Variants in PFKFB4 observed in about 807,000 individuals in gnomAD.
PFKFB4 encodes 6-phosphofructo-2-kinase/fructose-2,6-bisphosphatase 4.
Under a neutral mutation model 62.8 loss-of-function variants are expected in PFKFB4, and 42 were observed. The observed-to-expected ratio is 0.67, with a 90% CI of 0.52 to 0.86. The LOEUF is 0.86. Among genes scored for constraint, PFKFB4 ranks in the 40% least tolerant of loss-of-function variants. The probability of loss-of-function intolerance (pLI) is 0.00; values close to 1 mark genes in which losing one functional copy is unlikely to be tolerated. For synonymous variants in PFKFB4, 204 were observed against 240.7 expected (o/e 0.85, Z 1.41); for missense variants, 475 against 627.2 (o/e 0.76, Z 2.59).
upstream of PFKFB4, chr3:48,562,829 G>A: frequency 6.3e-7 from 1 of 1,576,254 alleles, no homozygotes; most frequent in Non-Finnish European, 8.6e-7. This position sits in a 1 kb window ranked among gnomAD's most constrained non-coding sequence, Gnocchi z 4.3. Flanking sequence ...GTTGGTGGTG[G>A]CCTGCTCCCT....
rs148938591 is a variant in PFKFB4 at position 48,553,525 on chromosome 3, T to C, written c.97+3156A>G. On this transcript the variant is annotated intron_variant, in intron 1 of 13. Transcript: ENST00000232375. Reference sequence around the variant, plus strand: ...AACATTGAGCATGTGCGGAAGGAAATGTGAAGACATGTCAGCCCAACTTCC... The same window carrying C: ...AACATTGAGCATGTGCGGAAGGAAACGTGAAGACATGTCAGCCCAACTTCC... Among the ~76,000 whole-genome samples the C allele has an allele frequency of 1.4e-4, 21 of 151,310 alleles. No homozygotes were observed. The East Asian group carries it at 2.9e-3, about 21-fold the overall frequency.
At chr3:48,534,212 A>C (rs1329270917) in intron 9 of PFKFB4, among the ~76,000 whole-genome samples, 1 of 152,228 alleles carries the variant, frequency 6.6e-6, no homozygotes, top group Non-Finnish European at 1.5e-5. Flanking sequence ...GAACAGAAGA[A>C]ATTAAAAAAC....
In PFKFB4 at chr3:48,519,186, C is replaced by T. The variant is rs2107428191; in HGVS notation, c.*561G>A. The T allele has an allele frequency of 6.6e-6, 1 of 152,670 alleles. No homozygotes were observed. The highest frequency in any genetic ancestry group is 6.5e-5 in the Admixed American group (1 of 15,334). The allele number at this position is 152,670 out of a possible 1,614,324, so 9.5% of individuals were successfully genotyped here. On this transcript the variant is annotated 3_prime_UTR_variant, in exon 14 of 14. Transcript: ENST00000232375. ...GCCTGGCCAGTGGCTGCCCAGGAAG[C>T]ATCTGCTGTGGTTGGGGCTCTAGTT...
chr3:48,555,152 G>C (rs2107606165), intron 1 of PFKFB4, among the ~76,000 whole-genome samples: 2 of 149,856 alleles, frequency 1.3e-5, no homozygotes, highest in South Asian at 4.2e-4. Context: ...TAATAACACA[G>C]ACTGGCTCAG....
In PFKFB4 at chr3:48,539,553, G is replaced by A. The variant is rs2107538806; in HGVS notation, c.453+144C>T. On this transcript the variant is annotated intron_variant, in intron 5 of 13. Transcript: ENST00000232375. ...TCCCTCTGGAAAGCAAACCCCAAGT[G>A]GAGACAGCCCCTCTCATCCCAAATT... The A allele has an allele frequency of 3.8e-6, 3 of 779,796 alleles. No individual in the cohort carries two copies. The South Asian group carries it at 4.8e-5, about 13-fold the overall frequency. The allele number at this position is 779,796 out of a possible 1,614,324, so 48.3% of individuals were successfully genotyped here. A position where few individuals can be genotyped will look rare whatever the true frequency, so the allele number is the denominator to read the frequency against.
intron 9 of PFKFB4, among the ~76,000 whole-genome samples, chr3:48,527,648 G>A (rs1352074455): frequency 6.6e-6 from 1 of 151,600 alleles, no homozygotes; most frequent in Admixed American, 6.6e-5. Flanking sequence ...AGGCACAGAA[G>A]GAAGTGAAGA....
At chr3:48,522,821 T>C (rs2042138511) in intron 12 of PFKFB4, among the ~76,000 whole-genome samples, 3 of 151,308 alleles carry the variant, frequency 2.0e-5, no homozygotes, top group South Asian at 2.1e-4. Context: ...AGTGCAGTGG[T>C]GCGATCTCGG....
chr3:48,540,761 C>T (rs183233846), intron 4 of PFKFB4, among the ~76,000 whole-genome samples: 2 of 150,798 alleles, frequency 1.3e-5, no homozygotes, highest in East Asian at 3.9e-4. Context: ...AGGCATGTAC[C>T]ACCATACCTG....
In PFKFB4 at chr3:48,556,550, C is replaced by G; in HGVS notation, c.97+131G>C. 1 of 1,125,092 alleles carries G rather than the reference C, an allele frequency of 8.9e-7. No individual in the cohort carries two copies. The highest frequency in any genetic ancestry group is 1.6e-5 in the South Asian group (1 of 63,950). 69.7% of individuals were successfully genotyped at this position (1,125,092 alleles called of 1,614,324 possible). ...ACCTGTCCCCAGCAGCCTCCCCAGT[C>G]ACGGCAACCTCACCTGTCCCCGGTT... is the stretch of plus-strand genomic sequence containing the variant. On this transcript the variant is annotated intron_variant, in intron 1 of 13. Transcript: ENST00000232375. This position sits in a 1 kb window ranked among gnomAD's most constrained non-coding sequence, Gnocchi z 5.7.
intron 5 of PFKFB4, 50 bp from the exon 6 acceptor site, chr3:48,539,360 A>T: frequency 6.7e-7 from 1 of 1,500,754 alleles, no homozygotes; most frequent in Non-Finnish European, 9.3e-7. Flanking sequence ...GAACACGGAC[A>T]TGTTCAGGGC....
At position 48,536,483 on chromosome 3, in the gene PFKFB4, A is replaced by C; in HGVS notation, c.633-20T>G. The C allele has an allele frequency of 6.3e-7, 1 of 1,587,120 alleles. No homozygotes were observed. Among genetic ancestry groups the C allele is most frequent in the Non-Finnish European group, 8.6e-7 (1 of 1,156,902 alleles). The stretch of plus-strand genomic sequence containing the variant: ...AGGTCCCTGTCCAGAGAGAAAGTAG[A>C]AAGAGGCCTGTGAGCGTGGCCAGGG... On this transcript the variant is annotated intron_variant, in intron 7 of 13. Coordinates refer to ENST00000232375, the MANE Select transcript of PFKFB4 (RefSeq NM_004567.4).
At chr3:48,556,986 C>T, upstream of PFKFB4, 1 of 1,382,794 alleles carries the variant, frequency 7.2e-7, no homozygotes, top group Non-Finnish European at 9.3e-7. The surrounding 1 kb of genome is among the most constrained non-coding windows in gnomAD (Gnocchi z 5.7). Context: ...AACTCACCTA[C>T]CCGCCCGTTT....
rs187674460 is a variant in PFKFB4 at position 48,521,957 on chromosome 3, C to T, written c.1350+29G>A. ...GGACACCCCCACATCAGGAACACCC[C>T]GCTACCCCAGCAGTGACCCCATTGC... On this transcript the variant is annotated intron_variant, in intron 13 of 13. Transcript: ENST00000232375. The surrounding 1 kb of genome is among the most constrained non-coding windows in gnomAD (Gnocchi z 5.3). The T allele has an allele frequency of 5.4e-3, 8,655 of 1,602,520 alleles. 36 individuals are homozygous for T. The highest frequency in any genetic ancestry group is 6.4e-3 in the Non-Finnish European group (7,441 of 1,169,444).
intron 9 of PFKFB4, among the ~76,000 whole-genome samples, chr3:48,531,365 C>T (rs2042420125): frequency 6.6e-6 from 1 of 151,058 alleles, no homozygotes; most frequent in Non-Finnish European, 1.5e-5. Flanking sequence ...GGCTTGGTGG[C>T]TCATTCCTGT....
At chr3:48,560,634 C>T (rs2043417933), upstream of PFKFB4, among the ~76,000 whole-genome samples, 1 of 152,238 alleles carries the variant, frequency 6.6e-6, no homozygotes, top group African/African-American at 2.4e-5. Context: ...GCACAGGGCA[C>T]ACAGCAGACA....
At position 48,556,623 on chromosome 3, in the gene PFKFB4, C is replaced by G; in HGVS notation, c.97+58G>C. 6.6e-7 allele frequency: 1 copy of G among 1,513,264 alleles called. No individual in the cohort carries two copies. Among genetic ancestry groups the G allele is most frequent in the South Asian group, 1.2e-5 (1 of 83,708 alleles). 93.7% of individuals were successfully genotyped at this position (1,513,264 alleles called of 1,614,324 possible). A position where few individuals can be genotyped will look rare whatever the true frequency, so the allele number is the denominator to read the frequency against. ...CTCCATGCGAGACCCCCGCCCAGGC[C>G]GCCCTACCCACCCATCCCGGTGCAC... On this transcript the variant is annotated intron_variant, in intron 1 of 13. Transcript: ENST00000232375. This position sits in a 1 kb window ranked among gnomAD's most constrained non-coding sequence, Gnocchi z 5.7.
chr3:48,523,713 C>G lies in PFKFB4; in HGVS notation c.1210G>C (p.Asp404His). Residue 404 changes from aspartate (D) to histidine (H), a missense_variant, in exon 11 of 14, where the codon GAC becomes CAC. Coordinates refer to ENST00000232375, the MANE Select transcript of PFKFB4 (RefSeq NM_004567.4). The stretch of plus-strand genomic sequence containing the variant: ...GCACAGCCCACACCTGCTGCCTTGT[C>G]GAGGAAGTAGGCCAGCAGGCAGCGC... ...VMRCLLAYFLDKAAEQLPYLK... is the reference protein window; with the variant it reads ...VMRCLLAYFLHKAAEQLPYLK... 1.9e-6 allele frequency: 3 copies of G among 1,614,122 alleles called. No individual in the cohort carries two copies. The highest frequency in any genetic ancestry group is 2.5e-6 in the Non-Finnish European group (3 of 1,179,996).
In PFKFB4 at chr3:48,522,003, G is replaced by A. The variant is rs200139068; in HGVS notation, c.1333C>T (p.His445Tyr). 298 of 1,614,112 alleles carry A rather than the reference G, an allele frequency of 1.8e-4. No homozygotes were observed. The Middle Eastern group carries it at 4.5e-3, about 24-fold the overall frequency. ...IFLNVAAVNT[H>Y]RDRPQNVDIS... Reference sequence around the variant, plus strand: ...ATTGCTACCTGAGGCCTGTCCCGGTGCGTGTTCACAGCAGCCACGTTCAGG... The same window carrying A: ...ATTGCTACCTGAGGCCTGTCCCGGTACGTGTTCACAGCAGCCACGTTCAGG... The change falls in exon 13 of 14, where the codon CAC (histidine) becomes TAC (tyrosine). Residue 445 changes from histidine to tyrosine, a missense_variant. His to Tyr is a moderately conservative substitution (Grantham distance 83, BLOSUM62 2). Coordinates refer to ENST00000232375, the MANE Select transcript of PFKFB4 (RefSeq NM_004567.4).
At chr3:48,534,047 G>A (rs907519307) in intron 9 of PFKFB4, among the ~76,000 whole-genome samples, 1 of 152,166 alleles carries the variant, frequency 6.6e-6, no homozygotes, top group Non-Finnish European at 1.5e-5. Flanking sequence ...GGAACAAAAT[G>A]AAATTCCTGG....
Sources: allele counts gnomAD v4.1 joint callset (sites outside exome capture counted in the v4.1 genomes callset), GRCh38; gene constraint gnomAD v4.1.1; non-coding constraint Gnocchi (gnomAD v3.1); transcripts MANE v1.5; gene names NCBI Gene and HGNC (gene_info 2026-07-23, HGNC 2026-07-21).